Variants in TRAF5 observed in about 807,000 individuals in gnomAD.
TRAF5 encodes TNF receptor-associated factor 5.
A neutral mutation model predicts 64.5 loss-of-function variants in TRAF5; 48 were observed. The ratio of observed to expected loss-of-function variants is 0.74; its 90% CI spans 0.59 to 0.95. TRAF5 has a LOEUF of 0.95. Ranked by LOEUF, TRAF5 falls within the 40% of genes least tolerant of loss-of-function variation. The pLI, the probability that TRAF5 is intolerant of heterozygous loss-of-function variation, is 0.00. For synonymous variants in TRAF5, 206 were observed against 240.5 expected (o/e 0.86, Z 1.33); for missense variants, 545 against 662.8 (o/e 0.82, Z 1.95).
chr1:211,356,286 C>A, intron 3 of TRAF5, 81 bp from the exon 4 acceptor site: 1 of 1,221,746 alleles, frequency 8.2e-7, no homozygotes, highest in Non-Finnish European at 1.2e-6. Context: ...GAGATACACT[C>A]GAAGACCAAA....
rs756262156 is a variant in TRAF5 at position 211,353,230 on chromosome 1, C to G, written c.-1-9C>G. On this transcript the variant is annotated splice_polypyrimidine_tract_variant and intron_variant, in intron 1 of 10. Coordinates refer to ENST00000261464, the MANE Select transcript of TRAF5 (RefSeq NM_001033910.3). ...CTTAATTTTCCCTCTCCTCCCCTGA[C>G]CTCTGCAGAATGGCTTATTCAGAAG... is the stretch of plus-strand genomic sequence containing the variant. The G allele has an allele frequency of 6.2e-7, 1 of 1,613,748 alleles. No individual in the cohort carries two copies. The highest frequency in any genetic ancestry group is 1.7e-5 in the Admixed American group (1 of 60,000).
At chr1:211,353,896 AG>A (rs1702875417) in intron 2 of TRAF5, among the ~76,000 whole-genome samples, 1 of 152,168 alleles carries the variant, frequency 6.6e-6, no homozygotes, top group Admixed American at 6.5e-5. Flanking sequence ...GTGTTGAGGG[AG>A]GATACCAGGA....
At chr1:211,328,925 G>A (rs1052005563) in intron 1 of TRAF5, among the ~76,000 whole-genome samples, 1 of 152,158 alleles carries the variant, frequency 6.6e-6, no homozygotes, top group Non-Finnish European at 1.5e-5. Context: ...AGCTCCCTGA[G>A]CTCCACTGCT....
At chr1:211,365,846 C>T (rs1011955648) in intron 8 of TRAF5, among the ~76,000 whole-genome samples, 1 of 152,212 alleles carries the variant, frequency 6.6e-6, no homozygotes, top group African/African-American at 2.4e-5. Context: ...TAATATCTGA[C>T]ACTTAGCAAT....
At chr1:211,370,752 G>A (rs1297831384) in intron 9 of TRAF5, among the ~76,000 whole-genome samples, 3 of 152,144 alleles carry the variant, frequency 2.0e-5, no homozygotes, top group Non-Finnish European at 2.9e-5. Flanking sequence ...GGTACTTTGA[G>A]TAGCCATACC....
At chr1:211,342,712 A>C (rs777155991) in intron 1 of TRAF5, among the ~76,000 whole-genome samples, 2 of 152,102 alleles carry the variant, frequency 1.3e-5, no homozygotes, top group Non-Finnish European at 2.9e-5. Context: ...CATAAGTTCA[A>C]TTGTTTTAAT....
chr1:211,355,245 A>G (rs369925962), intron 3 of TRAF5, among the ~76,000 whole-genome samples: 1 of 151,916 alleles, frequency 6.6e-6, no homozygotes, highest in Non-Finnish European at 1.5e-5. Context: ...AAGATTTGCA[A>G]ATATTTTTCT....
intron 1 of TRAF5, chr1:211,346,372 G>C (rs1702607238): frequency 1.0e-6 from 1 of 985,456 alleles, no homozygotes; most frequent in Non-Finnish European, 1.2e-6. Flanking sequence ...TCAGTGCAGG[G>C]ATGTGCAGAT....
chr1:211,372,338 G>C lies in TRAF5; in HGVS notation c.1310G>C (p.Arg437Pro), dbSNP rs145871946. The C allele has an allele frequency of 6.2e-7, 1 of 1,614,132 alleles. No homozygotes were observed. Among genetic ancestry groups the C allele is most frequent in the Non-Finnish European group, 8.5e-7 (1 of 1,180,022 alleles). Residue 437 changes from arginine (R) to proline (P), a missense_variant, in exon 11 of 11, where the codon CGC (arginine) becomes CCC (proline). By Grantham distance (103) the Arg-to-Pro change is moderately radical (BLOSUM62 -2). Transcript: ENST00000261464. Reference sequence around the variant, plus strand: ...TTCAGCCAGTCCTTCTACACCAGCCGCTGTGGCTACCGGCTCTGTGCTAGA... The same window carrying C: ...TTCAGCCAGTCCTTCTACACCAGCCCCTGTGGCTACCGGCTCTGTGCTAGA... ...SIFSQSFYTS[R>P]CGYRLCARAY...
At chr1:211,340,361 T>G (rs1295520864) in intron 1 of TRAF5, among the ~76,000 whole-genome samples, 1 of 152,222 alleles carries the variant, frequency 6.6e-6, no homozygotes, top group Admixed American at 6.5e-5. Flanking sequence ...CCCGGCTCAC[T>G]GCAACTTCCG....
At chr1:211,345,885 C>T (rs1467666825) in intron 1 of TRAF5, among the ~76,000 whole-genome samples, 1 of 152,230 alleles carries the variant, frequency 6.6e-6, no homozygotes, top group East Asian at 1.9e-4. Context: ...CAGTGCCTCT[C>T]ATTGGCTGAA....
At chr1:211,360,974 C>G in intron 6 of TRAF5, 114 bp from the exon 7 acceptor site, 1 of 1,117,642 alleles carries the variant, frequency 8.9e-7, no homozygotes. Context: ...TCTTGCCAGG[C>G]CTCTCTCCTT....
intron 1 of TRAF5, among the ~76,000 whole-genome samples, chr1:211,339,934 C>T (rs1273991545): frequency 1.3e-5 from 2 of 152,224 alleles, no homozygotes; most frequent in African/African-American, 2.4e-5. Context: ...GAAATATAAA[C>T]TTACACAAAG....
intron 9 of TRAF5, among the ~76,000 whole-genome samples, chr1:211,370,218 C>A (rs1214722492): frequency 1.3e-5 from 2 of 151,812 alleles, no homozygotes; most frequent in Non-Finnish European, 2.9e-5. Context: ...ATTAAATAAC[C>A]ATAAATGAAT....
chr1:211,357,853 T>TC (rs1572080056), intron 4 of TRAF5: 1 of 152,118 alleles, frequency 6.6e-6, no homozygotes, highest in East Asian at 1.9e-4. Context: ...ATAATAATAA[T>TC]AATCATCATC....
At chr1:211,369,914 A>T (rs892498315) in intron 9 of TRAF5, among the ~76,000 whole-genome samples, 6 of 152,116 alleles carry the variant, frequency 3.9e-5, no homozygotes, top group African/African-American at 1.4e-4. Flanking sequence ...CTTTACCTCT[A>T]CATATTAATA....
intron 1 of TRAF5, among the ~76,000 whole-genome samples, chr1:211,337,882 T>C (rs1702345441): frequency 6.6e-6 from 1 of 152,186 alleles, no homozygotes; most frequent in Non-Finnish European, 1.5e-5. Context: ...AAGTTTGTGA[T>C]GCCTATTAAA....
Position 211,372,714 on chromosome 1 carries a change from G to T in TRAF5, c.*12G>T, listed in dbSNP as rs542729528. On this transcript the variant is annotated 3_prime_UTR_variant, in exon 11 of 11. Coordinates refer to ENST00000261464, the MANE Select transcript of TRAF5 (RefSeq NM_001033910.3). The stretch of plus-strand genomic sequence containing the variant: ...TGGAGGATCTCTAGTCACTGTTATG[G>T]GGTGATAAGAGGACTTCTTGGGGCC... The T allele has an allele frequency of 1.6e-5, 26 of 1,610,108 alleles. No individual in the cohort carries two copies. In the East Asian group the frequency reaches 2.0e-4, roughly 12 times the overall value.
At chr1:211,348,999 A>C (rs1702698564) in intron 1 of TRAF5, among the ~76,000 whole-genome samples, 1 of 148,936 alleles carries the variant, frequency 6.7e-6, no homozygotes, top group South Asian at 2.2e-4. Context: ...CAGGAGTTCA[A>C]GACCAGGCTG....
Sources: allele counts gnomAD v4.1 joint callset (sites outside exome capture counted in the v4.1 genomes callset), GRCh38; gene constraint gnomAD v4.1.1; transcripts MANE v1.5; gene names NCBI Gene and HGNC (gene_info 2026-07-23, HGNC 2026-07-21).